Variants in CHN1 observed in about 807,000 individuals in gnomAD.
CHN1 encodes chimerin 1.
In CHN1, 37 loss-of-function variants were observed where a neutral mutation model predicts 59.5. That is an observed-to-expected ratio of 0.62 (90% CI 0.48 to 0.82). The LOEUF is 0.82. Ranked by LOEUF, CHN1 falls within the 40% of genes least tolerant of loss-of-function variation. The pLI is 0.00. For missense variants in CHN1, 469 were observed against 571.0 expected, an observed-to-expected ratio of 0.82 and a Z score of 1.82; for synonymous variants, 206 against 200.4, an observed-to-expected ratio of 1.03 and a Z score of -0.24.
chr2:174,930,090 A>G (rs541725787), intron 3 of CHN1, among the ~76,000 whole-genome samples: 2 of 152,286 alleles, frequency 1.3e-5, no homozygotes, highest in East Asian at 3.9e-4. Context: ...TAAGTGTCTG[A>G]CCCATGACGA....
At chr2:174,869,225 G>C (rs188337243) in intron 6 of CHN1, among the ~76,000 whole-genome samples, 1 of 152,224 alleles carries the variant, frequency 6.6e-6, no homozygotes, top group Non-Finnish European at 1.5e-5. Context: ...CTAATGATAC[G>C]ACTGAACTTC....
chr2:174,955,596 T>C (rs1214986166), intron 1 of CHN1, among the ~76,000 whole-genome samples: 5 of 151,800 alleles, frequency 3.3e-5, no homozygotes, highest in African/African-American at 1.2e-4. Context: ...AACTTATTCA[T>C]GTAACCAAAC....
intron 1 of CHN1, among the ~76,000 whole-genome samples, chr2:174,992,439 A>T (rs1691572962): frequency 6.6e-6 from 1 of 152,270 alleles, no homozygotes. Context: ...AAACTGAAGC[A>T]TAGGAAAGGG....
intron 6 of CHN1, among the ~76,000 whole-genome samples, chr2:174,856,033 C>T (rs1686890288): frequency 6.6e-6 from 1 of 151,960 alleles, no homozygotes; most frequent in South Asian, 2.1e-4. Context: ...TATTCCAGTG[C>T]CGCTCAGATC....
At chr2:174,920,809 A>T (rs1346065835) in intron 3 of CHN1, among the ~76,000 whole-genome samples, 2 of 152,168 alleles carry the variant, frequency 1.3e-5, no homozygotes, top group Non-Finnish European at 1.5e-5. Flanking sequence ...TGATTCAAGC[A>T]CATTGCACTT....
rs549975904 is a variant in CHN1 at position 174,846,521 on chromosome 2, A to T, written c.627+359T>A. Reference sequence around the variant, plus strand: ...CCAAAGCTTTTTACCAGAAACACAGATCTAATCCTCTCATAAAATCTCCAA... The same window carrying T: ...CCAAAGCTTTTTACCAGAAACACAGTTCTAATCCTCTCATAAAATCTCCAA... On this transcript the variant is annotated intron_variant, in intron 7 of 12. Coordinates refer to ENST00000409900, the MANE Select transcript of CHN1 (RefSeq NM_001822.7). The T allele has an allele frequency of 5.3e-5, 73 of 1,367,816 alleles. No individual in the cohort carries two copies. In the African/African-American group the frequency reaches 1.0e-3, roughly 19 times the overall value. The allele number at this position is 1,367,816 out of a possible 1,614,324, so 84.7% of individuals were successfully genotyped here.
In CHN1 at chr2:175,002,474, A is replaced by C. The variant is rs1010744063; in HGVS notation, c.19+2420T>G. On this transcript the variant is annotated intron_variant, in intron 1 of 12. Transcript: ENST00000409900. ...CTATAATATACTTAACAGGTGAAAA[A>C]AATTAAATGTATGCAAATACAAAAT... 2.0e-5 allele frequency among the ~76,000 whole-genome samples: 3 copies of C among 152,362 alleles called. No homozygotes were observed. The South Asian group carries it at 6.2e-4, about 32-fold the overall frequency.
intron 4 of CHN1, among the ~76,000 whole-genome samples, chr2:174,916,669 T>C (rs1688857277): frequency 6.6e-6 from 1 of 152,154 alleles, no homozygotes; most frequent in African/African-American, 2.4e-5. Context: ...CAGTTCACAG[T>C]AGGCATGTTC....
intron 5 of CHN1, among the ~76,000 whole-genome samples, chr2:174,901,193 G>T (rs763959795): frequency 6.6e-6 from 1 of 152,100 alleles, no homozygotes; most frequent in African/African-American, 2.4e-5. Flanking sequence ...ATTCTTAACC[G>T]GGCCTACAAG....
At chr2:174,815,783 T>C (rs12997839) in intron 8 of CHN1, among the ~76,000 whole-genome samples, 12,144 of 152,232 alleles carry the variant, frequency 0.08, 958 homozygotes, top group African/African-American at 0.21. Flanking sequence ...TAATTCTGAA[T>C]GGTATCTTTG....
intron 11 of CHN1, among the ~76,000 whole-genome samples, chr2:174,803,034 A>G (rs1014943379): frequency 1.3e-5 from 2 of 152,160 alleles, no homozygotes; most frequent in South Asian, 4.2e-4. Context: ...GCAAGAATCC[A>G]TCTTGGGGGG....
Position 175,005,136 on chromosome 2 carries a change from C to T in CHN1, c.-224G>A, listed in dbSNP as rs1444208109. 1 of 1,300,888 alleles carries T rather than the reference C, an allele frequency of 7.7e-7. No homozygotes were observed. Among genetic ancestry groups the T allele is most frequent in the Non-Finnish European group, 9.8e-7 (1 of 1,023,080 alleles). 80.6% of individuals were successfully genotyped at this position (1,300,888 alleles called of 1,614,324 possible). A position where few individuals can be genotyped will look rare whatever the true frequency, so the allele number is the denominator to read the frequency against. ...TCGGGCGCACCGGGCCCAGGGAGCC[C>T]CGCTAGCTCTCCGCGAGCCGGCACT... On this transcript the variant is annotated 5_prime_UTR_variant, in exon 1 of 13. Coordinates refer to ENST00000409900, the MANE Select transcript of CHN1 (RefSeq NM_001822.7).
intron 3 of CHN1, among the ~76,000 whole-genome samples, chr2:174,924,756 A>C (rs944229205): frequency 1.3e-5 from 2 of 152,260 alleles, no homozygotes; most frequent in Non-Finnish European, 2.9e-5. Context: ...TTGCAAATAC[A>C]TCAAATGAGG....
Position 174,875,754 on chromosome 2 carries a change from C to T in CHN1, c.549+2086G>A, listed in dbSNP as rs545986700. On this transcript the variant is annotated intron_variant, in intron 6 of 12. Coordinates refer to ENST00000409900, the MANE Select transcript of CHN1 (RefSeq NM_001822.7). Reference sequence around the variant, plus strand: ...AAACCATACTAGTGTCAATAGATACCTTAAATCAATTAAACATGATTGTCT... The same window carrying T: ...AAACCATACTAGTGTCAATAGATACTTTAAATCAATTAAACATGATTGTCT... 1.1e-3 allele frequency: 976 copies of T among 918,718 alleles called. 7 individuals carry two copies. The African/African-American group carries it at 0.016, about 15-fold the overall frequency. 56.9% of individuals were successfully genotyped at this position (918,718 alleles called of 1,614,324 possible). A position where few individuals can be genotyped will look rare whatever the true frequency, so the allele number is the denominator to read the frequency against.
At position 174,963,726 on chromosome 2, in the gene CHN1, T is replaced by C. The variant is rs114965010; in HGVS notation, c.20-11524A>G. Among the ~76,000 whole-genome samples the C allele has an allele frequency of 2.8e-3, 422 of 152,302 alleles. 1 individual carries two copies. Among genetic ancestry groups the C allele is most frequent in the Non-Finnish European group, 4.9e-3 (336 of 68,024 alleles). ...CAGCTATTTGAGGACAGAAGAATGC[T>C]GTAGTCAGGTCCAGCTCACTTCTCA... On this transcript the variant is annotated intron_variant, in intron 1 of 12. Coordinates refer to ENST00000409900, the MANE Select transcript of CHN1 (RefSeq NM_001822.7).
In CHN1 at chr2:174,941,907, A is replaced by C. The variant is rs1211826338; in HGVS notation, c.114+2981T>G. Among the ~76,000 whole-genome samples, 2 of 152,316 alleles carry C rather than the reference A, an allele frequency of 1.3e-5. 1 individual carries two copies. Among genetic ancestry groups the C allele is most frequent in the East Asian group, 3.9e-4 (2 of 5,182 alleles). On this transcript the variant is annotated intron_variant, in intron 3 of 12. Coordinates refer to ENST00000409900, the MANE Select transcript of CHN1 (RefSeq NM_001822.7). ...TTAAAAGTTACTTAAGCCAAGAAGTATATGAAAAAACGCTCAGTATCACTA... is the reference window on the plus strand; with the variant it reads ...TTAAAAGTTACTTAAGCCAAGAAGTCTATGAAAAAACGCTCAGTATCACTA...
chr2:174,826,083 T>C (rs1685671411), intron 7 of CHN1, among the ~76,000 whole-genome samples: 3 of 152,354 alleles, frequency 2.0e-5, no homozygotes, highest in Middle Eastern at 3.4e-3. Context: ...CTCTTTGCTG[T>C]TGCCAACTGA....
chr2:174,985,150 C>T (rs1691298250), intron 1 of CHN1, among the ~76,000 whole-genome samples: 1 of 152,102 alleles, frequency 6.6e-6, no homozygotes, highest in South Asian at 2.1e-4. Flanking sequence ...TTAGTTGATA[C>T]ACTTTAATGT....
At chr2:174,891,481 A>T (rs996362826) in intron 5 of CHN1, among the ~76,000 whole-genome samples, 5 of 151,448 alleles carry the variant, frequency 3.3e-5, no homozygotes, top group African/African-American at 9.7e-5. Flanking sequence ...GAGGTACAGA[A>T]TTGCTCAAAC....
Sources: allele counts gnomAD v4.1 joint callset (sites outside exome capture counted in the v4.1 genomes callset), GRCh38; gene constraint gnomAD v4.1.1; transcripts MANE v1.5; gene names NCBI Gene and HGNC (gene_info 2026-07-23, HGNC 2026-07-21).